The following CPA3 variants were observed in gnomAD, a reference collection of about 807,000 sequenced individuals.
The protein encoded by CPA3 is carboxypeptidase A3, also known as mast cell carboxypeptidase A.
CPA3 carries 52 observed loss-of-function variants against 55.8 expected under a neutral mutation model. The ratio of observed to expected loss-of-function variants is 0.93; its 90% confidence interval spans 0.75 to 1.17. The LOEUF is 1.17. Ranked by LOEUF, CPA3 falls within the 50% of genes most tolerant of loss-of-function variation. The probability of loss-of-function intolerance (pLI) is 0.00; values close to 1 mark genes in which losing one functional copy is unlikely to be tolerated. For missense variants in CPA3, 547 were observed against 509.1 expected, an observed-to-expected ratio of 1.07 and a Z score of -0.72; for synonymous variants, 179 against 171.2, an observed-to-expected ratio of 1.05 and a Z score of -0.36.
At chr3:148,867,758 C>T (rs936164155) in intron 2 of CPA3, among the ~76,000 whole-genome samples, 1 of 152,214 alleles carries the variant, frequency 6.6e-6, no homozygotes, top group Non-Finnish European at 1.5e-5. Flanking sequence ...TGAACACATA[C>T]ACAAGCAGGG....
chr3:148,878,591 T>G lies in CPA3; in HGVS notation c.372+48T>G, dbSNP rs558461338. ...TTTTTTTTAAGTTACCCTTAATATT[T>G]ATTGTCATTTTGTTTTCTTTTATTC... On this transcript the variant is annotated intron_variant, in intron 4 of 10. Coordinates refer to ENST00000296046, the MANE Select transcript of CPA3 (RefSeq NM_001870.4). The G allele has an allele frequency of 5.1e-6, 8 of 1,563,826 alleles. No homozygotes were observed. The East Asian group carries it at 1.6e-4, about 31-fold the overall frequency.
At chr3:148,885,406 C>CT (rs10712598) in intron 9 of CPA3, among the ~76,000 whole-genome samples, 19,799 of 88,292 alleles carry the variant, frequency 0.22, 2,428 homozygotes, top group South Asian at 0.37. Flanking sequence ...ATATTTAAGT[C>CT]TTTTTTTTTT....
At chr3:148,889,982 A>AT (rs927138643) in intron 10 of CPA3, among the ~76,000 whole-genome samples, 1 of 151,428 alleles carries the variant, frequency 6.6e-6, no homozygotes, top group South Asian at 2.1e-4. Flanking sequence ...TCGGCACTCA[A>AT]TTTTTTTTTA....
chr3:148,873,369 G>A (rs74508348), intron 3 of CPA3, among the ~76,000 whole-genome samples: 4,745 of 117,618 alleles, frequency 0.04, 239 homozygotes, highest in African/African-American at 0.12. Context: ...ATGCACGCGC[G>A]CACACGCGCA....
chr3:148,876,673 A>C (rs2108032448), intron 3 of CPA3, among the ~76,000 whole-genome samples: 1 of 152,210 alleles, frequency 6.6e-6, no homozygotes, highest in Non-Finnish European at 1.5e-5. Flanking sequence ...CACCATGCCC[A>C]GCCAAGACAT....
At chr3:148,885,591 T>C (rs1469059717) in intron 9 of CPA3, among the ~76,000 whole-genome samples, 1 of 151,756 alleles carries the variant, frequency 6.6e-6, no homozygotes, top group Non-Finnish European at 1.5e-5. Flanking sequence ...TTTGTATTTT[T>C]AGTAGAGACG....
chr3:148,889,969 A>G (rs1438166789), intron 10 of CPA3, among the ~76,000 whole-genome samples: 1 of 151,566 alleles, frequency 6.6e-6, no homozygotes. Context: ...TCTGAGGAGG[A>G]GCTCGGCACT....
chr3:148,884,239 G>A (rs1714458615), intron 9 of CPA3, among the ~76,000 whole-genome samples: 1 of 152,060 alleles, frequency 6.6e-6, no homozygotes, highest in South Asian at 2.1e-4. Flanking sequence ...TGATCAACTT[G>A]GAAATTATAT....
chr3:148,870,247 C>T (rs1321271211), intron 3 of CPA3, among the ~76,000 whole-genome samples: 1 of 151,852 alleles, frequency 6.6e-6, no homozygotes, highest in African/African-American at 2.4e-5. Flanking sequence ...CACTGCTAAA[C>T]ACTAGTTCAT....
At chr3:148,889,377 GA>G (rs1258462345) in intron 10 of CPA3, among the ~76,000 whole-genome samples, 1 of 151,700 alleles carries the variant, frequency 6.6e-6, no homozygotes, top group African/African-American at 2.4e-5. Flanking sequence ...GATGAAGACA[GA>G]AAAAAAAGGA....
At chr3:148,872,761 G>A (rs1052337190) in intron 3 of CPA3, among the ~76,000 whole-genome samples, 16 of 151,972 alleles carry the variant, frequency 1.1e-4, no homozygotes, top group African/African-American at 3.9e-4. Context: ...CATGCTACAT[G>A]GTACAAATGT....
intron 3 of CPA3, among the ~76,000 whole-genome samples, chr3:148,869,470 A>G (rs1714001251): frequency 6.6e-6 from 1 of 152,172 alleles, no homozygotes; most frequent in African/African-American, 2.4e-5. Flanking sequence ...CAAAAAAAAA[A>G]GTCATTGGTA....
At chr3:148,881,039 A>G (rs961171390) in intron 6 of CPA3, among the ~76,000 whole-genome samples, 2 of 152,150 alleles carry the variant, frequency 1.3e-5, no homozygotes, top group Non-Finnish European at 2.9e-5. Context: ...GAAAAAAAAA[A>G]GTTGTTCAAT....
rs558365659 is a variant in CPA3 at position 148,873,373 on chromosome 3, A to AGG, written c.269+4334_269+4335insGG. On this transcript the variant is annotated intron_variant, in intron 3 of 10. Transcript: ENST00000296046. ...TTCCCCAGTGCATGCACGCGCGCAC[A>AGG]CGCGCACACACACACACACACACAC... 3.3e-3 allele frequency among the ~76,000 whole-genome samples: 422 copies of AGG among 126,288 alleles called. 1 individual carries two copies. Among genetic ancestry groups the AGG allele is most frequent in the Non-Finnish European group, 6.2e-3 (334 of 54,236 alleles). The allele number at this position is 126,288 out of a possible 152,430, so 82.8% of individuals were successfully genotyped here. A position where few individuals can be genotyped will look rare whatever the true frequency, so the allele number is the denominator to read the frequency against.
At position 148,885,406 on chromosome 3, in the gene CPA3, CTTTTTT is replaced by C. The variant is rs10712598; in HGVS notation, c.982-668_982-663del. The stretch of plus-strand genomic sequence containing the variant: ...TATATAATCGACTGCATATTTAAGT[CTTTTTT>C]TTTTTTTTTTTTTTTTTTAGACGGA... On this transcript the variant is annotated intron_variant, in intron 9 of 10. Transcript: ENST00000296046. 2.8e-3 allele frequency among the ~76,000 whole-genome samples: 247 copies of C among 88,356 alleles called. 1 individual carries two copies. Among genetic ancestry groups the C allele is most frequent in the Non-Finnish European group, 4.0e-3 (190 of 47,778 alleles). The allele number at this position is 88,356 out of a possible 152,430, so 58.0% of individuals were successfully genotyped here. A position where few individuals can be genotyped will look rare whatever the true frequency, so the allele number is the denominator to read the frequency against.
intron 10 of CPA3, among the ~76,000 whole-genome samples, chr3:148,891,034 T>G (rs1458328781): frequency 6.6e-6 from 1 of 152,198 alleles, no homozygotes; most frequent in Non-Finnish European, 1.5e-5. Context: ...ATTAACAACA[T>G]GAACTCTGAA....
chr3:148,873,715 A>G (rs1003639579), intron 3 of CPA3, among the ~76,000 whole-genome samples: 4 of 152,184 alleles, frequency 2.6e-5, no homozygotes, highest in Non-Finnish European at 4.4e-5. Flanking sequence ...CAGACCCTCC[A>G]GGTTCAAATT....
chr3:148,865,767 T>C (rs909398784), intron 2 of CPA3, among the ~76,000 whole-genome samples: 14 of 152,178 alleles, frequency 9.2e-5, no homozygotes, highest in Non-Finnish European at 1.8e-4. Flanking sequence ...CCAAAAGCTT[T>C]TCAAACACCA....
chr3:148,873,253 G>A (rs1714115452), intron 3 of CPA3, among the ~76,000 whole-genome samples: 1 of 152,168 alleles, frequency 6.6e-6, no homozygotes, highest in African/African-American at 2.4e-5. Context: ...CATGCTTTTT[G>A]AATAGCACCA....
Sources: allele counts gnomAD v4.1 joint callset (sites outside exome capture counted in the v4.1 genomes callset), GRCh38; gene constraint gnomAD v4.1.1; transcripts MANE v1.5; gene names NCBI Gene and HGNC (gene_info 2026-07-23, HGNC 2026-07-21).